Variants in LDLRAD2 observed in about 807,000 individuals in gnomAD.
LDLRAD2 encodes low-density lipoprotein receptor class A domain-containing protein 2.
Under a neutral mutation model 24.9 loss-of-function variants are expected in LDLRAD2, and 25 were observed. The ratio of observed to expected loss-of-function variants is 1.00; its 90% CI spans 0.73 to 1.40. The LOEUF (loss-of-function observed/expected upper bound fraction) is 1.40. Among genes scored for constraint, LDLRAD2 ranks in the 40% most tolerant of loss-of-function variants. LDLRAD2 has a pLI of 0.00. For synonymous variants in LDLRAD2, 182 were observed against 166.7 expected (o/e 1.09, Z -0.71); for missense variants, 391 against 366.2 (o/e 1.07, Z -0.55).
chr1:21,815,821 G>GAGAA, intron 2 of LDLRAD2, 122 bp from the exon 3 acceptor site: 1 of 1,138,688 alleles, frequency 8.8e-7, no homozygotes, highest in South Asian at 1.5e-5. Flanking sequence ...GTTCTCATCT[G>GAGAA]CATGCATGAG....
intron 2 of LDLRAD2, among the ~76,000 whole-genome samples, chr1:21,815,315 G>T (rs951120981): frequency 1.3e-5 from 2 of 152,132 alleles, no homozygotes; most frequent in African/African-American, 2.4e-5. Flanking sequence ...ACACAGTACC[G>T]CCTTGCACAC....
intron 1 of LDLRAD2, among the ~76,000 whole-genome samples, chr1:21,813,092 C>G (rs1021258237): frequency 1.4e-4 from 22 of 152,196 alleles, no homozygotes; most frequent in Non-Finnish European, 2.6e-4. Context: ...GTCACGAGAT[C>G]AAGACCATCC....
chr1:21,820,584 G>C (rs4654770), intron 3 of LDLRAD2, among the ~76,000 whole-genome samples: 1 of 150,790 alleles, frequency 6.6e-6, no homozygotes, highest in Non-Finnish European at 1.5e-5. Context: ...ACCAACATGC[G>C]TAATTTTTCT....
In LDLRAD2 at chr1:21,823,197, C is replaced by T; in HGVS notation, c.*982C>T. Reference sequence around the variant, plus strand: ...CCTCCAGTCCAGCCCAGGGCGGTAGCAGCAAAGCGTGGCATCGCCTCGGTT... The same window carrying T: ...CCTCCAGTCCAGCCCAGGGCGGTAGTAGCAAAGCGTGGCATCGCCTCGGTT... On this transcript the variant is annotated 3_prime_UTR_variant, in exon 5 of 5. Transcript: ENST00000344642. The T allele has an allele frequency of 2.0e-6, 2 of 1,004,316 alleles. No individual in the cohort carries two copies. The highest frequency in any genetic ancestry group is 2.7e-6 in the Non-Finnish European group (2 of 727,686). The allele number at this position is 1,004,316 out of a possible 1,614,324, so 62.2% of individuals were successfully genotyped here. A position where few individuals can be genotyped will look rare whatever the true frequency, so the allele number is the denominator to read the frequency against.
Position 21,823,838 on chromosome 1 carries a change from C to A in LDLRAD2, c.*1623C>A. On this transcript the variant is annotated 3_prime_UTR_variant, in exon 5 of 5. Coordinates refer to ENST00000344642, the MANE Select transcript of LDLRAD2 (RefSeq NM_001013693.3). ...GACTCAGAAGTCTGTCCCTGTTTCC[C>A]AAGCTCTTTCTTTCCCCCGCTGAAC... is the stretch of plus-strand genomic sequence containing the variant. The A allele has an allele frequency of 1.2e-6, 1 of 830,274 alleles. No homozygotes were observed. 51.4% of individuals were successfully genotyped at this position (830,274 alleles called of 1,614,324 possible).
chr1:21,818,302 G>T (rs143918951), intron 3 of LDLRAD2, among the ~76,000 whole-genome samples: 5 of 152,064 alleles, frequency 3.3e-5, no homozygotes, highest in Non-Finnish European at 1.5e-5. Context: ...GTGAGCCTCC[G>T]CACCCGGCCT....
In LDLRAD2 at chr1:21,823,779, G is replaced by A. The variant is rs1449739785; in HGVS notation, c.*1564G>A. On this transcript the variant is annotated 3_prime_UTR_variant, in exon 5 of 5. Transcript: ENST00000344642. ...ACTTCCTGGTCCTCCCCGGCCCCAC[G>A]ACAGAGTCCCCTCCCTCTGATATCG... 23 of 1,304,024 alleles carry A rather than the reference G, an allele frequency of 1.8e-5. No individual in the cohort carries two copies. Among genetic ancestry groups the A allele is most frequent in the African/African-American group, 2.9e-5 (2 of 69,280 alleles). 80.8% of individuals were successfully genotyped at this position (1,304,024 alleles called of 1,614,324 possible).
chr1:21,814,629 C>T lies in LDLRAD2; in HGVS notation c.317C>T (p.Pro106Leu). ...ACCTCCTCCCCGGCCCCGGCCGACC[C>T]GTGCGCCCCCGGCTCCTACCTGCAG... ...LNTSSPAPAD[P>L]CAPGSYLQFY... is the part of the protein sequence containing the mutation. Residue 106 changes from proline (P) to leucine (L), a missense_variant, in exon 2 of 5, where the codon CCG becomes CTG. Pro to Leu is a moderately conservative substitution (Grantham distance 98). Transcript: ENST00000344642. 4 of 1,608,174 alleles carry T rather than the reference C, an allele frequency of 2.5e-6. No homozygotes were observed. The highest frequency in any genetic ancestry group is 8.5e-7 in the Non-Finnish European group (1 of 1,177,554).
In LDLRAD2 at chr1:21,814,491, C is replaced by A. The variant is rs941265545; in HGVS notation, c.179C>A (p.Pro60Gln). Reference sequence around the variant, plus strand: ...TCGCGCAGGTTCTACTTCGTGGCTCCGGACACCGACTGCGGGCTCTGGGTG... The same window carrying A: ...TCGCGCAGGTTCTACTTCGTGGCTCAGGACACCGACTGCGGGCTCTGGGTG... Reference protein sequence around the residue: ...AASRRFYFVAPDTDCGLWVQA... With the variant: ...AASRRFYFVAQDTDCGLWVQA... The change falls in exon 2 of 5, where the codon CCG becomes CAG. Residue 60 changes from proline (P) to glutamine (Q), a missense_variant. Coordinates refer to ENST00000344642, the MANE Select transcript of LDLRAD2 (RefSeq NM_001013693.3). 2 of 1,612,552 alleles carry A rather than the reference C, an allele frequency of 1.2e-6. No individual in the cohort carries two copies. Among genetic ancestry groups the A allele is most frequent in the Non-Finnish European group, 1.7e-6 (2 of 1,179,726 alleles).
intron 1 of LDLRAD2, among the ~76,000 whole-genome samples, 154 bp downstream of exon 1, chr1:21,812,690 C>T (rs1201481722): frequency 6.6e-6 from 1 of 152,202 alleles, no homozygotes; most frequent in Non-Finnish European, 1.5e-5. Context: ...GCTTGGCATC[C>T]CCAAATCCAA....
intron 3 of LDLRAD2, among the ~76,000 whole-genome samples, chr1:21,819,541 T>C (rs1239188422): frequency 6.7e-6 from 1 of 148,856 alleles, no homozygotes; most frequent in Non-Finnish European, 1.5e-5. Context: ...ATAAGAAAAT[T>C]ATAAATTTTC....
At position 21,812,493 on chromosome 1, in the gene LDLRAD2, C is replaced by T. The variant is rs1359243054; in HGVS notation, c.42C>T (p.Leu14=). 1 of 1,614,166 alleles carries T rather than the reference C, an allele frequency of 6.2e-7. No individual in the cohort carries two copies. The highest frequency in any genetic ancestry group is 1.1e-5 in the South Asian group (1 of 91,052). The part of the protein sequence containing the change: ...CCLLQLPQRL[L]LLGAAALTAT... Reference sequence around the variant, plus strand: ...TTCTGCAGTTGCCCCAAAGGTTGCTCTTGCTGGGGGCAGCCGCCCTGACTG... The same window carrying T: ...TTCTGCAGTTGCCCCAAAGGTTGCTTTTGCTGGGGGCAGCCGCCCTGACTG... The change falls in exon 1 of 5, where the codon CTC becomes CTT. Residue 14 remains leucine (L), a synonymous_variant. Coordinates refer to ENST00000344642, the MANE Select transcript of LDLRAD2 (RefSeq NM_001013693.3).
In LDLRAD2 at chr1:21,819,174, G is replaced by A. The variant is rs1369685112; in HGVS notation, c.644-2276G>A. Reference sequence around the variant, plus strand: ...GGATCACCTGTAGTCGGGAGTTCGAGACCAACCTGACCAACATGGAGAAAC... The same window carrying A: ...GGATCACCTGTAGTCGGGAGTTCGAAACCAACCTGACCAACATGGAGAAAC... On this transcript the variant is annotated intron_variant, in intron 3 of 4. Transcript: ENST00000344642. 2.0e-5 allele frequency among the ~76,000 whole-genome samples: 3 copies of A among 151,872 alleles called. No individual in the cohort carries two copies. The South Asian group carries it at 6.2e-4, about 32-fold the overall frequency.
At chr1:21,813,934 TG>T (rs924103792) in intron 1 of LDLRAD2, among the ~76,000 whole-genome samples, 5 of 151,730 alleles carry the variant, frequency 3.3e-5, no homozygotes, top group Admixed American at 3.3e-4. Flanking sequence ...TGCAGTGGCT[TG>T]ATCTCAGCTC....
At position 21,823,818 on chromosome 1, in the gene LDLRAD2, A is replaced by T; in HGVS notation, c.*1603A>T. 2.2e-6 allele frequency: 2 copies of T among 929,886 alleles called. No homozygotes were observed. The highest frequency in any genetic ancestry group is 3.5e-6 in the Non-Finnish European group (2 of 578,690). 57.6% of individuals were successfully genotyped at this position (929,886 alleles called of 1,614,324 possible). On this transcript the variant is annotated 3_prime_UTR_variant, in exon 5 of 5. Transcript: ENST00000344642. Reference sequence around the variant, plus strand: ...CCTCTGATATCGAGACTCCAGACTCAGAAGTCTGTCCCTGTTTCCCAAGCT... The same window carrying T: ...CCTCTGATATCGAGACTCCAGACTCTGAAGTCTGTCCCTGTTTCCCAAGCT...
At chr1:21,818,065 C>T (rs554660589) in intron 3 of LDLRAD2, among the ~76,000 whole-genome samples, 9 of 142,638 alleles carry the variant, frequency 6.3e-5, no homozygotes, top group Non-Finnish European at 1.4e-4. Context: ...TTAGTAGAGA[C>T]GGGATTTCTC....
intron 3 of LDLRAD2, 124 bp downstream of exon 3, chr1:21,816,198 G>A (rs1047238788): frequency 1.0e-4 from 139 of 1,329,752 alleles, no homozygotes; most frequent in Non-Finnish European, 1.2e-4. Flanking sequence ...GTGTGGAATC[G>A]GCTTAGGCCA....
Position 21,824,382 on chromosome 1 carries a change from A to G in LDLRAD2, c.*2167A>G. ...TGGCCGGCCTCTCCCACCTCCTGCC[A>G]GGGAAGCACAGGGTCTCTGGGGTCC... On this transcript the variant is annotated 3_prime_UTR_variant, in exon 5 of 5. Coordinates refer to ENST00000344642, the MANE Select transcript of LDLRAD2 (RefSeq NM_001013693.3). The surrounding 1 kb of genome is among the most constrained non-coding windows in gnomAD (Gnocchi z 5.9). The G allele has an allele frequency of 1.2e-6, 2 of 1,613,714 alleles. No homozygotes were observed. Among genetic ancestry groups the G allele is most frequent in the South Asian group, 1.1e-5 (1 of 91,088 alleles).
At chr1:21,814,342 A>G in intron 1 of LDLRAD2, 56 bp from the exon 2 acceptor site, 2 of 1,432,358 alleles carry the variant, frequency 1.4e-6, no homozygotes, top group Non-Finnish European at 1.9e-6. Flanking sequence ...GGCAGGGGAC[A>G]GAGTAGAGTT....
Sources: gnomAD v4.1 joint callset for allele counts (sites outside exome capture counted in the v4.1 genomes callset) on GRCh38, gnomAD v4.1.1 for gene constraint, Gnocchi (gnomAD v3.1) non-coding constraint, MANE v1.5 for transcripts, NCBI Gene and HGNC (gene_info 2026-07-23, HGNC 2026-07-21) for gene names.